Variants in DMXL1 observed in about 807,000 individuals in gnomAD.
DMXL1 encodes dmX-like protein 1.
A neutral mutation model predicts 319.2 loss-of-function variants in DMXL1; 99 were observed. That is an observed-to-expected ratio of 0.31 (90% CI 0.26 to 0.37). The LOEUF (loss-of-function observed/expected upper bound fraction) is 0.37, where lower values mean the gene tolerates loss of function less well. Ranked by LOEUF, DMXL1 falls within the 10% of genes least tolerant of loss-of-function variation. The probability of loss-of-function intolerance (pLI) is 1.00; values close to 1 mark genes in which losing one functional copy is unlikely to be tolerated. For synonymous variants in DMXL1, 1,385 were observed against 1,235.2 expected, an observed-to-expected ratio of 1.12 and a Z score of -2.54; for missense variants, 3,745 against 3,595.6, an observed-to-expected ratio of 1.04 and a Z score of -1.06.
chr5:119,125,240 G>C (rs1381259723), intron 9 of DMXL1, among the ~76,000 whole-genome samples: 2 of 152,078 alleles, frequency 1.3e-5, no homozygotes, highest in South Asian at 4.1e-4. Flanking sequence ...TTCTCTTCAA[G>C]GGTAAAAAGA....
chr5:119,204,137 GTATT>G (rs1217011441), intron 33 of DMXL1, among the ~76,000 whole-genome samples: 1 of 151,578 alleles, frequency 6.6e-6, no homozygotes, highest in Non-Finnish European at 1.5e-5. Context: ...AATTTTTATT[GTATT>G]TATTTATCTT....
chr5:119,106,163 C>G (rs1283341695), intron 4 of DMXL1, among the ~76,000 whole-genome samples: 2 of 151,658 alleles, frequency 1.3e-5, no homozygotes, highest in African/African-American at 4.9e-5. Context: ...TACTGGAATG[C>G]CTTTGTTCTC....
intron 4 of DMXL1, among the ~76,000 whole-genome samples, chr5:119,109,798 T>C (rs1319304765): frequency 6.6e-6 from 1 of 152,184 alleles, no homozygotes; most frequent in East Asian, 1.9e-4. Context: ...TGCATTTCTA[T>C]CATGTATGTA....
chr5:119,122,799 AGAT>A (rs1762497031), intron 9 of DMXL1, among the ~76,000 whole-genome samples: 1 of 149,414 alleles, frequency 6.7e-6, no homozygotes, highest in African/African-American at 2.5e-5. Flanking sequence ...GGCCGGGCAG[AGAT>A]GCTCCTCACT....
Position 119,170,637 on chromosome 5 carries a change from C to A in DMXL1, c.5846C>A (p.Ser1949Tyr). The change falls in exon 24 of 44, where the codon TCT becomes TAT. Residue 1949 changes from serine (S) to tyrosine (Y), a missense_variant. By Grantham distance (144) the Ser-to-Tyr change is moderately radical. Around this residue, in one of 4 missense-constraint regions of DMXL1, gnomAD observed 1,382 missense variants for 1,269.5 expected, o/e 1.09. Transcript: ENST00000539542. ...SSEKQSNSTL[S>Y]FDWSQPSVVF... ...GAGAAGCAATCAAACTCCACTCTTT[C>A]TTTTGACTGGAGCCAACCAAGTGTT... 6.2e-7 allele frequency: 1 copy of A among 1,613,728 alleles called. No individual in the cohort carries two copies. Among genetic ancestry groups the A allele is most frequent in the Non-Finnish European group, 8.5e-7 (1 of 1,179,888 alleles).
At chr5:119,088,522 A>G (rs143957245) in intron 1 of DMXL1, among the ~76,000 whole-genome samples, 2 of 152,314 alleles carry the variant, frequency 1.3e-5, no homozygotes, top group Non-Finnish European at 2.9e-5. Context: ...AGGATTTACT[A>G]CTAGCGTTTT....
intron 2 of DMXL1, among the ~76,000 whole-genome samples, chr5:119,100,435 C>CAT (rs1423344107): frequency 6.9e-6 from 1 of 144,218 alleles, no homozygotes; most frequent in African/African-American, 2.6e-5. Flanking sequence ...GACTCCGTCT[C>CAT]ATAAAAAAAA....
rs140444317 is a variant in DMXL1 at position 119,087,844 on chromosome 5, C to T, written c.88-10135C>T. On this transcript the variant is annotated intron_variant, in intron 1 of 43. Coordinates refer to ENST00000539542, the MANE Select transcript of DMXL1 (RefSeq NM_001290321.3). ...TGAGACAGAGTCTCGTTCTGTTGCC[C>T]AGGCTGGAGTGCAATGGCGCTATCT... Among the ~76,000 whole-genome samples the T allele has an allele frequency of 5.4e-3, 814 of 152,118 alleles. 10 individuals are homozygous for T. Among genetic ancestry groups the T allele is most frequent in the African/African-American group, 0.019 (769 of 41,476 alleles).
chr5:119,090,568 T>G (rs1754543036), intron 1 of DMXL1, among the ~76,000 whole-genome samples: 1 of 150,942 alleles, frequency 6.6e-6, no homozygotes, highest in South Asian at 2.1e-4. Flanking sequence ...TGTTTTTTTT[T>G]TTTTTTTCTT....
intron 25 of DMXL1, among the ~76,000 whole-genome samples, chr5:119,174,234 C>T (rs1775335189): frequency 6.6e-6 from 1 of 152,082 alleles, no homozygotes; most frequent in Admixed American, 6.6e-5. Context: ...CCCAGTCACA[C>T]CTAGATTTTT....
At chr5:119,157,791 T>C (rs552277405) in intron 19 of DMXL1, among the ~76,000 whole-genome samples, 6 of 152,324 alleles carry the variant, frequency 3.9e-5, no homozygotes, top group Non-Finnish European at 7.3e-5. Context: ...AAGTTTACTT[T>C]GAGTATTTGG....
At chr5:119,176,217 T>TA (rs957510404) in intron 26 of DMXL1, among the ~76,000 whole-genome samples, 5 of 152,068 alleles carry the variant, frequency 3.3e-5, no homozygotes, top group Admixed American at 2.6e-4. Context: ...ATTTCTTGAT[T>TA]AAAAAAAATT....
At chr5:119,077,696 A>G (rs1426523571) in intron 1 of DMXL1, among the ~76,000 whole-genome samples, 22 of 113,462 alleles carry the variant, frequency 1.9e-4, no homozygotes, top group Admixed American at 6.0e-4. Context: ...GTGTGTGTGT[A>G]TGTGTATATA....
At position 119,118,804 on chromosome 5, in the gene DMXL1, T is replaced by G; in HGVS notation, c.744-11T>G. Reference sequence around the variant, plus strand: ...TTGTATTTTTGCTTCTAAAATCTTTTCATTCCTTAGGGCTTCTGTATGTAA... The same window carrying G: ...TTGTATTTTTGCTTCTAAAATCTTTGCATTCCTTAGGGCTTCTGTATGTAA... On this transcript the variant is annotated splice_polypyrimidine_tract_variant and intron_variant, in intron 7 of 43. Transcript: ENST00000539542. The G allele has an allele frequency of 1.9e-6, 3 of 1,570,640 alleles. No individual in the cohort carries two copies. The highest frequency in any genetic ancestry group is 2.6e-6 in the Non-Finnish European group (3 of 1,161,050).
Position 119,171,763 on chromosome 5 carries a change from C to G in DMXL1, c.6490-15C>G. ...TAAATAGTTGGTTAACCTTTTATCCCTCTTTGTTTTTAAGGAAACATCAGA... is the reference window on the plus strand; with the variant it reads ...TAAATAGTTGGTTAACCTTTTATCCGTCTTTGTTTTTAAGGAAACATCAGA... On this transcript the variant is annotated splice_polypyrimidine_tract_variant and intron_variant, in intron 24 of 43. Coordinates refer to ENST00000539542, the MANE Select transcript of DMXL1 (RefSeq NM_001290321.3). 1 of 1,592,342 alleles carries G rather than the reference C, an allele frequency of 6.3e-7. No individual in the cohort carries two copies. Among genetic ancestry groups the G allele is most frequent in the Non-Finnish European group, 8.5e-7 (1 of 1,169,920 alleles).
chr5:119,178,671 G>A, intron 28 of DMXL1: 1 of 985,044 alleles, frequency 1.0e-6, no homozygotes, highest in Middle Eastern at 5.2e-4. Context: ...AGTTCTCATA[G>A]CCCTCCCAGT....
At position 119,233,386 on chromosome 5, in the gene DMXL1, C is replaced by A; in HGVS notation, c.8385C>A (p.Gly2795=). 1.2e-6 allele frequency: 2 copies of A among 1,612,820 alleles called. No individual in the cohort carries two copies. Among genetic ancestry groups the A allele is most frequent in the Non-Finnish European group, 1.7e-6 (2 of 1,179,144 alleles). ...QDGSVRMFEW[G]HSQQITCFRS... is the part of the protein sequence containing the mutation. The stretch of plus-strand genomic sequence containing the variant: ...GAAGTGTCAGAATGTTTGAATGGGG[C>A]CATTCTCAACAAATAACCTGTTTTC... Residue 2795 remains glycine, a synonymous_variant, in exon 39 of 44, where the codon GGC becomes GGA. Coordinates refer to ENST00000539542, the MANE Select transcript of DMXL1 (RefSeq NM_001290321.3).
chr5:119,243,189 C>T (rs886370019), intron 42 of DMXL1, among the ~76,000 whole-genome samples: 1 of 152,154 alleles, frequency 6.6e-6, no homozygotes, highest in Admixed American at 6.5e-5. Context: ...GTGCATTTTC[C>T]TCTGGGAAGT....
In DMXL1 at chr5:119,164,095, TG is replaced by T. The variant is rs767124626; in HGVS notation, c.4703-411del. On this transcript the variant is annotated intron_variant, in intron 19 of 43. Transcript: ENST00000539542. ...TCATCAACCTGAACTGCTTGCTTGATGTTTTTTTTTTTTTTTACTAATTCCA... is the reference window on the plus strand; with the variant it reads ...TCATCAACCTGAACTGCTTGCTTGATTTTTTTTTTTTTTTTACTAATTCCA... Among the ~76,000 whole-genome samples the T allele has an allele frequency of 3.2e-3, 447 of 139,098 alleles. 2 individuals are homozygous for T. The highest frequency in any genetic ancestry group is 5.6e-3 in the African/African-American group (209 of 37,232). The allele number at this position is 139,098 out of a possible 152,430, so 91.3% of individuals were successfully genotyped here. A position where few individuals can be genotyped will look rare whatever the true frequency, so the allele number is the denominator to read the frequency against.
Sources: gnomAD v4.1 joint callset for allele counts (sites outside exome capture counted in the v4.1 genomes callset) on GRCh38, gnomAD v4.1.1 for gene constraint, gnomAD v4.1.1 regional missense constraint, MANE v1.5 for transcripts, NCBI Gene and HGNC (gene_info 2026-07-23, HGNC 2026-07-21) for gene names.